LMF1: variants seen among roughly 807,000 people sequenced by gnomAD.
The protein encoded by LMF1 is transmembrane protein 112.
A neutral mutation model predicts 60.6 loss-of-function variants in LMF1; 68 were observed. The ratio of observed to expected loss-of-function variants is 1.12; its 90% CI spans 0.92 to 1.37. The LOEUF is 1.37. Among genes scored for constraint, LMF1 ranks in the 40% most tolerant of loss-of-function variants. The pLI, the probability that LMF1 is intolerant of heterozygous loss-of-function variation, is 0.00. For synonymous variants in LMF1, 418 were observed against 324.7 expected (o/e 1.29, Z -3.09); for missense variants, 948 against 767.2 (o/e 1.24, Z -2.78).
chr16:921,291 CA>C (rs1157324280), intron 3 of LMF1: 2 of 152,258 alleles, frequency 1.3e-5, no homozygotes, highest in African/African-American at 2.4e-5. Flanking sequence ...CCTTTTCAGA[CA>C]GCGCAGAGCC....
At chr16:861,289 T>C (rs570175530) in intron 10 of LMF1, among the ~76,000 whole-genome samples, 26 of 152,230 alleles carry the variant, frequency 1.7e-4, no homozygotes, top group African/African-American at 6.0e-4. Flanking sequence ...ACAGGAATAC[T>C]ATTGAATCAT....
At chr16:893,185 C>T (rs1013102626) in intron 4 of LMF1, 113 bp from the exon 5 acceptor site, 4 of 894,712 alleles carry the variant, frequency 4.5e-6, no homozygotes, top group Non-Finnish European at 7.2e-6. Flanking sequence ...TGGATCTGGG[C>T]TGCAGGCGCT....
At chr16:894,340 A>G (rs2070597090) in intron 4 of LMF1, among the ~76,000 whole-genome samples, 1 of 64,334 alleles carries the variant, frequency 1.6e-5, no homozygotes, top group Non-Finnish European at 3.1e-5. Flanking sequence ...CCCCCTGTCC[A>G]CCGGACCGTC....
chr16:871,530 G>C, intron 6 of LMF1, 189 bp from the exon 7 acceptor site: 1 of 611,418 alleles, frequency 1.6e-6, no homozygotes, highest in Non-Finnish European at 2.9e-6. Flanking sequence ...AGATGCCTCA[G>C]AGGTGCCTTC....
At chr16:875,827 C>T (rs2069956290) in intron 6 of LMF1, among the ~76,000 whole-genome samples, 1 of 152,214 alleles carries the variant, frequency 6.6e-6, no homozygotes, top group Non-Finnish European at 1.5e-5. Context: ...CAGCACAGCC[C>T]ACGCAGGAGG....
chr16:917,857 C>T (rs2071325245), intron 3 of LMF1, among the ~76,000 whole-genome samples: 1 of 152,240 alleles, frequency 6.6e-6, no homozygotes, highest in Non-Finnish European at 1.5e-5. Context: ...GCTCCCTGGC[C>T]TGTGGTCACC....
intron 3 of LMF1, among the ~76,000 whole-genome samples, chr16:926,295 G>A (rs111808597): frequency 0.049 from 7,479 of 152,220 alleles, 203 homozygotes; most frequent in Non-Finnish European, 0.066. Context: ...ATCTGCATAC[G>A]TGTCTGTGTG....
chr16:911,220 T>G, intron 3 of LMF1, 141 bp from the exon 4 acceptor site: 1 of 982,010 alleles, frequency 1.0e-6, no homozygotes. Flanking sequence ...CCCGCACGTA[T>G]TAGTCTCAAC....
chr16:895,000 G>A (rs2070621739), intron 4 of LMF1, among the ~76,000 whole-genome samples: 1 of 152,172 alleles, frequency 6.6e-6, no homozygotes, highest in Non-Finnish European at 1.5e-5. Flanking sequence ...GGAAGACAGG[G>A]TGAGGGCGCC....
intron 1 of LMF1, among the ~76,000 whole-genome samples, chr16:968,066 G>A (rs1228643668): frequency 6.6e-6 from 1 of 152,200 alleles, no homozygotes; most frequent in Non-Finnish European, 1.5e-5. Flanking sequence ...CAGGACGCCC[G>A]CGGTATGCAC....
intron 2 of LMF1, among the ~76,000 whole-genome samples, chr16:936,454 G>A (rs4984987): frequency 0.25 from 10,012 of 40,700 alleles, 1,735 homozygotes; most frequent in African/African-American, 0.54. Flanking sequence ...TGGGAGGGAG[G>A]GAGGGCACCC....
intron 1 of LMF1, among the ~76,000 whole-genome samples, chr16:964,743 G>T (rs1478275988): frequency 6.6e-6 from 1 of 152,174 alleles, no homozygotes. Context: ...GCAAATACGG[G>T]TGCAAACGAT....
chr16:979,760 T>G (rs1411853741), intron 1 of LMF1: 2 of 453,994 alleles, frequency 4.4e-6, no homozygotes, highest in Non-Finnish European at 8.8e-6. Context: ...GGGCGATGTC[T>G]GCTCTCCCAG....
chr16:872,159 G>C (rs2069816819), intron 6 of LMF1: 1 of 152,244 alleles, frequency 6.6e-6, no homozygotes. Flanking sequence ...GACAGGGGCA[G>C]CTTGCGTGGC....
chr16:890,221 C>T (rs1039300192), intron 5 of LMF1, among the ~76,000 whole-genome samples: 1 of 152,208 alleles, frequency 6.6e-6, no homozygotes, highest in Non-Finnish European at 1.5e-5. Flanking sequence ...CCACCTGCTG[C>T]AGGCACGGCG....
chr16:887,450 C>A (rs374923994), intron 5 of LMF1, among the ~76,000 whole-genome samples: 1 of 152,198 alleles, frequency 6.6e-6, no homozygotes, highest in Non-Finnish European at 1.5e-5. Context: ...TTGGGGCACA[C>A]GCGGTCTCGG....
In LMF1 at chr16:878,151, G is replaced by A. The variant is rs1407211039; in HGVS notation, c.897+1419C>T. Among the ~76,000 whole-genome samples, 1 of 152,082 alleles carries A rather than the reference G, an allele frequency of 6.6e-6. No individual in the cohort carries two copies. Among genetic ancestry groups the A allele is most frequent in the African/African-American group, 2.4e-5 (1 of 41,394 alleles). ...CCAGGAGCCCCCAAACACGCGTGGG[G>A]TCCGGCTACATGGAACCGACTGAAG... On this transcript the variant is annotated intron_variant, in intron 6 of 10. Coordinates refer to ENST00000262301, the MANE Select transcript of LMF1 (RefSeq NM_022773.4). The surrounding 1 kb of genome is among the most constrained non-coding windows in gnomAD (Gnocchi z 5.2).
At chr16:955,597 G>A (rs1229230456) in intron 1 of LMF1, among the ~76,000 whole-genome samples, 4 of 152,280 alleles carry the variant, frequency 2.6e-5, no homozygotes, top group Admixed American at 6.5e-5. Flanking sequence ...ATGGGTGCCT[G>A]CAGCAGACGC....
intron 5 of LMF1, among the ~76,000 whole-genome samples, chr16:884,365 G>A (rs543805606): frequency 6.6e-6 from 1 of 152,342 alleles, no homozygotes; most frequent in African/African-American, 2.4e-5. Flanking sequence ...TACATAAGGA[G>A]TTGTCACAGG....
Sources: gnomAD v4.1 joint callset for allele counts (sites outside exome capture counted in the v4.1 genomes callset) on GRCh38, gnomAD v4.1.1 for gene constraint, Gnocchi (gnomAD v3.1) non-coding constraint, MANE v1.5 for transcripts, NCBI Gene and HGNC (gene_info 2026-07-23, HGNC 2026-07-21) for gene names.